RNF212: variants seen among roughly 807,000 people sequenced by gnomAD.
The protein encoded by RNF212 is probable E3 SUMO-protein ligase RNF212.
In RNF212, 33 loss-of-function variants were observed where a neutral mutation model predicts 34.7. The observed-to-expected ratio is 0.95, with a 90% CI of 0.72 to 1.27. RNF212 has a LOEUF of 1.27. Among genes scored for constraint, RNF212 ranks in the 50% most tolerant of loss-of-function variants. The probability of loss-of-function intolerance (pLI) is 0.00; values close to 1 mark genes in which losing one functional copy is unlikely to be tolerated. For missense variants in RNF212, 377 were observed against 362.2 expected (o/e 1.04, Z -0.33); for synonymous variants, 140 against 136.1 (o/e 1.03, Z -0.20).
At chr4:1,113,303 G>T in intron 1 of RNF212, 53 bp downstream of exon 1, 2 of 755,588 alleles carry the variant, frequency 2.6e-6, no homozygotes, top group Non-Finnish European at 3.4e-6. Context: ...GGAGTTCCCT[G>T]ACCCCCTTGC....
At chr4:1,086,598 C>A (rs1234750810) in intron 4 of RNF212, among the ~76,000 whole-genome samples, 16 of 18,394 alleles carry the variant, frequency 8.7e-4, no homozygotes, top group South Asian at 2.5e-3. Flanking sequence ...ATGAGGGTGG[C>A]AGGAGAGGGG....
intron 4 of RNF212, chr4:1,056,553 G>A: frequency 1.1e-6 from 1 of 919,992 alleles, no homozygotes; most frequent in Non-Finnish European, 1.3e-6. Context: ...AATAAGGTGG[G>A]GAGAAGAGTT....
chr4:1,101,139 C>T, intron 2 of RNF212: 1 of 172,488 alleles, frequency 5.8e-6, no homozygotes, highest in South Asian at 1.4e-4. Context: ...TGAGCATTGG[C>T]AGATGCTCTT....
At chr4:1,101,578 G>A (rs1202957651) in intron 2 of RNF212, 1 of 157,506 alleles carries the variant, frequency 6.3e-6, no homozygotes, top group Non-Finnish European at 1.4e-5. Flanking sequence ...TAATGAAATA[G>A]TTATGGTCAA....
At chr4:1,086,080 C>G (rs1721115497) in intron 4 of RNF212, 126 bp from the exon 5 acceptor site, 4 of 736,950 alleles carry the variant, frequency 5.4e-6, no homozygotes, top group Non-Finnish European at 9.6e-6. Context: ...TCACGCTGCT[C>G]AGGAGTAAAT....
At chr4:1,060,773 G>A (rs28498761) in intron 3 of RNF212, among the ~76,000 whole-genome samples, 15,554 of 152,258 alleles carry the variant, frequency 0.1, 839 homozygotes, top group East Asian at 0.17. Context: ...AAGAGTGAGC[G>A]CCCTGCGCCC....
chr4:1,065,538 G>GATCA (rs60877270), intron 3 of RNF212, among the ~76,000 whole-genome samples: 3 of 151,846 alleles, frequency 2.0e-5, no homozygotes, highest in Non-Finnish European at 4.4e-5. Flanking sequence ...TATGATCACT[G>GATCA]CTCACTGCAG....
At chr4:1,073,229 T>C (rs2153036430) in intron 9 of RNF212, 36 bp from the exon 10 acceptor site, 1 of 1,603,510 alleles carries the variant, frequency 6.2e-7, no homozygotes, top group Non-Finnish European at 8.5e-7. Context: ...TGTGGGGAGA[T>C]GGCCTGTGTG....
At chr4:1,098,447 C>A (rs978957178) in intron 2 of RNF212, among the ~76,000 whole-genome samples, 1 of 152,216 alleles carries the variant, frequency 6.6e-6, no homozygotes, top group Non-Finnish European at 1.5e-5. Context: ...CACTCCCAGG[C>A]TCCCAGAGGC....
At chr4:1,106,055 T>C (rs1354563012) in intron 2 of RNF212, among the ~76,000 whole-genome samples, 1 of 152,214 alleles carries the variant, frequency 6.6e-6, no homozygotes, top group Non-Finnish European at 1.5e-5. Flanking sequence ...CAGATCCCTC[T>C]GGCTGCAGGG....
chr4:1,059,693 A>C (rs1271768169), intron 3 of RNF212, among the ~76,000 whole-genome samples: 1 of 152,236 alleles, frequency 6.6e-6, no homozygotes, highest in African/African-American at 2.4e-5. Context: ...CGTCAGCCTC[A>C]CACCAGTGAT....
intron 7 of RNF212, among the ~76,000 whole-genome samples, chr4:1,080,929 G>C (rs986521534): frequency 4.6e-5 from 7 of 152,246 alleles, no homozygotes; most frequent in Non-Finnish European, 7.3e-5. Context: ...GGCCAGGCAG[G>C]CATAGCCTGG....
At chr4:1,109,698 A>G (rs1188206822) in intron 1 of RNF212, among the ~76,000 whole-genome samples, 2 of 152,082 alleles carry the variant, frequency 1.3e-5, no homozygotes, top group Non-Finnish European at 2.9e-5. Flanking sequence ...GCCCTGGCTC[A>G]TGACCTACCT....
At chr4:1,092,211 C>G (rs1051842966) in intron 3 of RNF212, among the ~76,000 whole-genome samples, 1 of 152,202 alleles carries the variant, frequency 6.6e-6, no homozygotes, top group Non-Finnish European at 1.5e-5. Flanking sequence ...TGTGGGGGTG[C>G]CTGGTCTGGC....
chr4:1,080,111 C>G (rs1166905861), intron 7 of RNF212, among the ~76,000 whole-genome samples: 2 of 152,256 alleles, frequency 1.3e-5, no homozygotes, highest in Non-Finnish European at 2.9e-5. Context: ...ACATACCACA[C>G]CGTGCACGCT....
rs954668134 is a variant in RNF212, at chr4:1,072,523, C to T, written c.*351G>A. On this transcript the variant is annotated 3_prime_UTR_variant, in exon 10 of 10. Coordinates refer to ENST00000433731, the MANE Select transcript of RNF212 (RefSeq NM_001131034.4). ...TGGAGTCATGGTGTATATGGGAAAT[C>T]TGTACCTTCCTTTCAATTTTTCTGT... The T allele has an allele frequency of 3.3e-6, 1 of 306,494 alleles. No individual in the cohort carries two copies. Among genetic ancestry groups the T allele is most frequent in the African/African-American group, 2.3e-5 (1 of 43,784 alleles). The allele number at this position is 306,494 out of a possible 1,614,324, so 19.0% of individuals were successfully genotyped here. A position where few individuals can be genotyped will look rare whatever the true frequency, so the allele number is the denominator to read the frequency against.
chr4:1,084,488 G>A (rs999743251), intron 5 of RNF212, among the ~76,000 whole-genome samples: 5 of 152,036 alleles, frequency 3.3e-5, no homozygotes, highest in African/African-American at 1.2e-4. Context: ...GCAGCACTTT[G>A]GGACGCTGAG....
chr4:1,081,317 A>C lies in RNF212; in HGVS notation c.464+102T>G. 2 of 1,022,626 alleles carry C rather than the reference A, an allele frequency of 2.0e-6. 1 individual carries two copies. Among genetic ancestry groups the C allele is most frequent in the Admixed American group, 3.4e-5 (2 of 58,078 alleles). The allele number at this position is 1,022,626 out of a possible 1,614,324, so 63.3% of individuals were successfully genotyped here. Reference sequence around the variant, plus strand: ...TGTCCAGTCAACTGTATGGATTAGCAAAATCTGGGGGCTTGGAGAGGGGGT... The same window carrying C: ...TGTCCAGTCAACTGTATGGATTAGCCAAATCTGGGGGCTTGGAGAGGGGGT... On this transcript the variant is annotated intron_variant, in intron 7 of 9. Transcript: ENST00000433731.
intron 5 of RNF212, among the ~76,000 whole-genome samples, chr4:1,083,639 AAAAC>A (rs76992730): frequency 0.62 from 92,567 of 149,108 alleles, 29,608 homozygotes; most frequent in African/African-American, 0.72. Context: ...CTCTGTCTCA[AAAAC>A]AAACAAACAA....
Sources: gnomAD v4.1 joint callset for allele counts (sites outside exome capture counted in the v4.1 genomes callset) on GRCh38, gnomAD v4.1.1 for gene constraint, MANE v1.5 for transcripts, NCBI Gene and HGNC (gene_info 2026-07-23, HGNC 2026-07-21) for gene names.